The following DCC variants were observed in gnomAD, a reference collection of about 807,000 sequenced individuals.
DCC encodes netrin receptor DCC.
In DCC, 58 loss-of-function variants were observed where a neutral mutation model predicts 172.5. The ratio of observed to expected loss-of-function variants is 0.34; its 90% CI spans 0.27 to 0.42. DCC has a LOEUF of 0.42. Ranked by LOEUF, DCC falls within the 10% of genes least tolerant of loss-of-function variation. The probability of loss-of-function intolerance (pLI) is 1.00; values close to 1 mark genes in which losing one functional copy is unlikely to be tolerated. For missense variants in DCC, 1,740 were observed against 1,791.0 expected (o/e 0.97, Z 0.51); for synonymous variants, 709 against 644.5 (o/e 1.10, Z -1.52).
chr18:53,012,664 C>A (rs1481803304), intron 5 of DCC, among the ~76,000 whole-genome samples: 1 of 151,844 alleles, frequency 6.6e-6, no homozygotes, highest in African/African-American at 2.4e-5. Context: ...ATAGATTTTG[C>A]CAAATGTAAA....
intron 1 of DCC, among the ~76,000 whole-genome samples, chr18:52,737,484 G>T (rs78794280): frequency 0.081 from 12,344 of 152,216 alleles, 613 homozygotes; most frequent in Middle Eastern, 0.14. Context: ...CACTTAGTAA[G>T]ACCATTTTCT....
chr18:53,269,631 C>T (rs916037576), intron 12 of DCC, among the ~76,000 whole-genome samples: 2 of 152,106 alleles, frequency 1.3e-5, no homozygotes, highest in African/African-American at 2.4e-5. Flanking sequence ...AATGCTAAGT[C>T]GTCTATGTAT....
intron 2 of DCC, among the ~76,000 whole-genome samples, chr18:52,837,379 A>T (rs1052405347): frequency 3.9e-5 from 6 of 152,186 alleles, no homozygotes; most frequent in Non-Finnish European, 8.8e-5. Flanking sequence ...CCAAACTTTT[A>T]TGCTCTGCTG....
chr18:52,502,110 C>G lies in DCC; in HGVS notation c.91+161232C>G, dbSNP rs904983823. Among the ~76,000 whole-genome samples the G allele has an allele frequency of 3.9e-5, 6 of 152,256 alleles. No homozygotes were observed. The South Asian group carries it at 1.2e-3, about 32-fold the overall frequency. On this transcript the variant is annotated intron_variant, in intron 1 of 28. Coordinates refer to ENST00000442544, the MANE Select transcript of DCC (RefSeq NM_005215.4). ...TTGCATGCATGATTAAAAGACACAGCACCTCAGAAACTTGAATTTGTACTT... is the reference window on the plus strand; with the variant it reads ...TTGCATGCATGATTAAAAGACACAGGACCTCAGAAACTTGAATTTGTACTT...
At chr18:53,174,955 G>C (rs1325775500) in intron 8 of DCC, among the ~76,000 whole-genome samples, 1 of 152,142 alleles carries the variant, frequency 6.6e-6, no homozygotes, top group South Asian at 2.1e-4. Context: ...GAATCCATCA[G>C]CACATCAAAA....
intron 1 of DCC, among the ~76,000 whole-genome samples, chr18:52,728,845 C>A (rs1173812447): frequency 6.6e-6 from 1 of 152,124 alleles, no homozygotes; most frequent in Non-Finnish European, 1.5e-5. Flanking sequence ...ATCCTTCATG[C>A]AAACAAGGAT....
In DCC at chr18:52,765,199, A is replaced by ATTTTT. The variant is rs369735420; in HGVS notation, c.412+12825_412+12826insTTTTT. Among the ~76,000 whole-genome samples the ATTTTT allele has an allele frequency of 1.8e-3, 216 of 120,088 alleles. 15 individuals are homozygous for ATTTTT. Among genetic ancestry groups the ATTTTT allele is most frequent in the Middle Eastern group, 9.9e-3 (2 of 202 alleles). 78.8% of individuals were successfully genotyped at this position (120,088 alleles called of 152,430 possible). A position where few individuals can be genotyped will look rare whatever the true frequency, so the allele number is the denominator to read the frequency against. On this transcript the variant is annotated intron_variant, in intron 2 of 28. Transcript: ENST00000442544. Reference sequence around the variant, plus strand: ...CAGGCATGTGCTAGCACTCCTGGCTAATTTTTTTTTTTTTTTTTTGTATTT... The same window carrying ATTTTT: ...CAGGCATGTGCTAGCACTCCTGGCTATTTTTATTTTTTTTTTTTTTTTTTGTATTT...
intron 5 of DCC, among the ~76,000 whole-genome samples, chr18:52,995,074 A>T (rs568529453): frequency 3.8e-4 from 58 of 152,260 alleles, no homozygotes; most frequent in African/African-American, 1.4e-3. Context: ...ACATGAATTT[A>T]ATAGGTTATT....
chr18:52,715,965 C>G (rs2036374368), intron 1 of DCC, among the ~76,000 whole-genome samples: 1 of 152,148 alleles, frequency 6.6e-6, no homozygotes, highest in East Asian at 1.9e-4. Context: ...CTAACCAGGT[C>G]TGTGATCTCA....
chr18:52,727,945 T>C (rs2036577048), intron 1 of DCC, among the ~76,000 whole-genome samples: 1 of 152,190 alleles, frequency 6.6e-6, no homozygotes, highest in Non-Finnish European at 1.5e-5. Flanking sequence ...AAGAGTGGTT[T>C]TGCATTTGCA....
At chr18:53,064,302 A>T (rs144668646) in intron 6 of DCC, among the ~76,000 whole-genome samples, 1 of 152,272 alleles carries the variant, frequency 6.6e-6, no homozygotes, top group African/African-American at 2.4e-5. Flanking sequence ...ATAGGTTAGC[A>T]TTGGAGGTTC....
chr18:52,896,531 T>C (rs886218326), intron 2 of DCC, among the ~76,000 whole-genome samples: 1 of 152,232 alleles, frequency 6.6e-6, no homozygotes. Context: ...ATGTTCAGTA[T>C]AATTTGATTA....
intron 17 of DCC, among the ~76,000 whole-genome samples, chr18:53,394,772 T>C (rs1908808259): frequency 6.6e-6 from 1 of 152,186 alleles, no homozygotes; most frequent in African/African-American, 2.4e-5. Flanking sequence ...AACGCTATGC[T>C]TTACTTGTCT....
intron 1 of DCC, among the ~76,000 whole-genome samples, chr18:52,421,236 C>T (rs1445562117): frequency 6.6e-6 from 1 of 152,132 alleles, no homozygotes; most frequent in Non-Finnish European, 1.5e-5. Flanking sequence ...AGAAAGTGCA[C>T]ATGCCTCTCA....
chr18:52,779,764 C>T (rs2037499886), intron 2 of DCC, among the ~76,000 whole-genome samples: 1 of 152,172 alleles, frequency 6.6e-6, no homozygotes, highest in South Asian at 2.1e-4. Context: ...ATTTACACTC[C>T]CACCAACAGT....
chr18:53,300,998 T>TTTC (rs2144771895), intron 12 of DCC, among the ~76,000 whole-genome samples: 3 of 143,048 alleles, frequency 2.1e-5, no homozygotes, highest in South Asian at 4.5e-4. Context: ...TCTTTTTTTT[T>TTTC]CTTTTCTTTC....
intron 1 of DCC, among the ~76,000 whole-genome samples, chr18:52,461,227 A>C (rs180824429): frequency 6.6e-6 from 1 of 152,294 alleles, no homozygotes; most frequent in East Asian, 1.9e-4. Flanking sequence ...GGTCAGGGTC[A>C]TTCATGCCCC....
chr18:52,944,681 C>G (rs958678701), intron 5 of DCC, among the ~76,000 whole-genome samples: 1 of 152,124 alleles, frequency 6.6e-6, no homozygotes, highest in Non-Finnish European at 1.5e-5. Context: ...GATATCTTCC[C>G]CCTTCTACCC....
intron 15 of DCC, among the ~76,000 whole-genome samples, chr18:53,366,576 G>A (rs182946252): frequency 6.6e-6 from 1 of 152,272 alleles, no homozygotes; most frequent in East Asian, 1.9e-4. Flanking sequence ...TGTCTAAACA[G>A]TTTTCAGGTT....
Sources: allele counts gnomAD v4.1 joint callset (sites outside exome capture counted in the v4.1 genomes callset), GRCh38; gene constraint gnomAD v4.1.1; transcripts MANE v1.5; gene names NCBI Gene and HGNC (gene_info 2026-07-23, HGNC 2026-07-21).